COL22A1: variants seen among roughly 807,000 people sequenced by gnomAD.
COL22A1 encodes the protein collagen alpha-1(XXII) chain.
Under a neutral mutation model 248.9 loss-of-function variants are expected in COL22A1, and 221 were observed. The observed-to-expected ratio is 0.89, with a 90% CI of 0.80 to 0.99. The LOEUF (loss-of-function observed/expected upper bound fraction) is 0.99, where lower values mean the gene tolerates loss of function less well. COL22A1 is among the 50% of genes least tolerant of loss of function. The pLI is 0.00. For missense variants in COL22A1, 2,240 were observed against 2,179.0 expected, an observed-to-expected ratio of 1.03 and a Z score of -0.56; for synonymous variants, 891 against 793.4, an observed-to-expected ratio of 1.12 and a Z score of -2.07.
chr8:138,650,630 G>C (rs577420021), intron 45 of COL22A1, among the ~76,000 whole-genome samples: 1 of 152,040 alleles, frequency 6.6e-6, no homozygotes, highest in African/African-American at 2.4e-5. Flanking sequence ...GAGTTTAATG[G>C]ATAACACAAG....
At chr8:138,692,307 T>TA (rs1491103992) in intron 35 of COL22A1, among the ~76,000 whole-genome samples, 2 of 9,092 alleles carry the variant, frequency 2.2e-4, no homozygotes, top group African/African-American at 7.6e-4. Context: ...TGCGGAGGTG[T>TA]ATGTGTGTGC....
intron 11 of COL22A1, among the ~76,000 whole-genome samples, chr8:138,802,613 A>G (rs1320561238): frequency 6.6e-6 from 1 of 152,154 alleles, no homozygotes; most frequent in Non-Finnish European, 1.5e-5. Flanking sequence ...GAGGGTTAGT[A>G]ACTGTGATGA....
Position 138,688,964 on chromosome 8 carries a change from G to A in COL22A1, c.2815C>T (p.Pro939Ser). 1 of 1,613,086 alleles carries A rather than the reference G, an allele frequency of 6.2e-7. No homozygotes were observed. The highest frequency in any genetic ancestry group is 1.7e-5 in the Admixed American group (1 of 60,008). ...TTCCCTGGGGTGCCTCTGAGGCCGG[G>A]AGCACCCTGTGGCAAGGAAGATTAC... The part of the protein sequence containing the change: ...PSGPPGSVGA[P>S]GLRGTPGKDG... Residue 939 changes from proline (P) to serine (S), a missense_variant, in exon 37 of 65, where the codon CCC (proline) becomes TCC (serine). Coordinates refer to ENST00000303045, the MANE Select transcript of COL22A1 (RefSeq NM_152888.3).
intron 2 of COL22A1, among the ~76,000 whole-genome samples, chr8:138,881,559 C>A (rs990469559): frequency 3.3e-5 from 5 of 152,174 alleles, no homozygotes; most frequent in African/African-American, 4.8e-5. Flanking sequence ...GTGGCAGGCG[C>A]CTGTAGTCCC....
At chr8:138,680,746 A>C (rs1237426501) in intron 39 of COL22A1, among the ~76,000 whole-genome samples, 1 of 152,220 alleles carries the variant, frequency 6.6e-6, no homozygotes, top group Non-Finnish European at 1.5e-5. Flanking sequence ...CTTCAATGAA[A>C]GATGACCTCA....
At chr8:138,657,745 A>G (rs1452814911) in intron 44 of COL22A1, among the ~76,000 whole-genome samples, 1 of 151,874 alleles carries the variant, frequency 6.6e-6, no homozygotes, top group Non-Finnish European at 1.5e-5. Flanking sequence ...CAGTGTGGGG[A>G]TGTAGATGCC....
intron 28 of COL22A1, 54 bp from the exon 29 acceptor site, chr8:138,716,343 A>C: frequency 3.9e-6 from 5 of 1,289,398 alleles, no homozygotes. Flanking sequence ...CCCAGGGGCC[A>C]AGCTGCAGGC....
In COL22A1 at chr8:138,680,840, A is replaced by T. The variant is rs118033203; in HGVS notation, c.3013-1164T>A. Among the ~76,000 whole-genome samples, 80 of 152,360 alleles carry T rather than the reference A, an allele frequency of 5.3e-4. No individual in the cohort carries two copies. The East Asian group carries it at 0.013, about 26-fold the overall frequency. On this transcript the variant is annotated intron_variant, in intron 39 of 64. Coordinates refer to ENST00000303045, the MANE Select transcript of COL22A1 (RefSeq NM_152888.3). ...TGACTTACACATTTACACAATATCA[A>T]CACTGGAATGGGTCATGTGTTTAGA...
Position 138,811,859 on chromosome 8 carries a change from T to TG in COL22A1, c.1388dup (p.Gly464ArgfsTer3). 1 of 856,402 alleles carries TG rather than the reference T, an allele frequency of 1.2e-6. No individual in the cohort carries two copies. The highest frequency in any genetic ancestry group is 1.7e-6 in the Non-Finnish European group (1 of 588,482). 53.1% of individuals were successfully genotyped at this position (856,402 alleles called of 1,614,324 possible). On this transcript the variant is annotated frameshift_variant, in exon 9 of 65. Coordinates refer to ENST00000303045, the MANE Select transcript of COL22A1 (RefSeq NM_152888.3). LOFTEE classifies it high-confidence loss of function. ...TCAAAAACCCAATCTGTTCACTGCC[T>TG]GGGGTGGGAGGCCGCTGGGGTGGGG...
intron 48 of COL22A1, among the ~76,000 whole-genome samples, chr8:138,636,236 G>C (rs1226577016): frequency 6.6e-6 from 1 of 151,964 alleles, no homozygotes. Context: ...CACAGAGAGA[G>C]CAGTGAGCCC....
intron 1 of COL22A1, among the ~76,000 whole-genome samples, chr8:138,891,900 A>G (rs1052346932): frequency 1.3e-5 from 2 of 152,246 alleles, no homozygotes; most frequent in African/African-American, 4.8e-5. Flanking sequence ...CTGGGAGGGA[A>G]GAGCATGGCT....
chr8:138,852,994 G>GTATATA (rs138051780), intron 3 of COL22A1, among the ~76,000 whole-genome samples: 8 of 146,936 alleles, frequency 5.4e-5, no homozygotes, highest in African/African-American at 1.5e-4. Flanking sequence ...AAAAAAAAAA[G>GTATATA]TATATATATA....
At chr8:138,643,010 C>G (rs1286614451) in intron 47 of COL22A1, among the ~76,000 whole-genome samples, 1 of 144,082 alleles carries the variant, frequency 6.9e-6, no homozygotes, top group African/African-American at 2.6e-5. Context: ...GCCTGGGCAA[C>G]AGAGCAAGAC....
chr8:138,908,760 G>A (rs4736205), intron 1 of COL22A1, among the ~76,000 whole-genome samples: 45,016 of 151,938 alleles, frequency 0.3, 7,077 homozygotes, highest in African/African-American at 0.41. Context: ...TTGCTTTTAC[G>A]GAGCTCAAAA....
chr8:138,765,991 T>A (rs1404250352), intron 16 of COL22A1, among the ~76,000 whole-genome samples: 2 of 152,236 alleles, frequency 1.3e-5, no homozygotes, highest in Non-Finnish European at 2.9e-5. Context: ...ACATTTCACC[T>A]GCCCTATGGC....
chr8:138,715,667 G>C lies in COL22A1; in HGVS notation c.2517+15C>G. The C allele has an allele frequency of 6.2e-7, 1 of 1,602,550 alleles. No homozygotes were observed. The highest frequency in any genetic ancestry group is 8.5e-7 in the Non-Finnish European group (1 of 1,172,102). ...ATAATAATTGATGGTCAGAATGAGA[G>C]CAAGTTTCTCCTACCTTTTCACCTC... On this transcript the variant is annotated intron_variant, in intron 30 of 64. Transcript: ENST00000303045.
At chr8:138,589,517 C>G in intron 64 of COL22A1, 77 bp from the exon 65 acceptor site, 2 of 1,210,596 alleles carry the variant, frequency 1.7e-6, no homozygotes, top group Non-Finnish European at 2.2e-6. Flanking sequence ...CTCACAGCTT[C>G]CATTCACTAT....
intron 41 of COL22A1, among the ~76,000 whole-genome samples, chr8:138,674,012 T>A (rs1825281290): frequency 6.6e-6 from 1 of 152,148 alleles, no homozygotes. Context: ...GAGTCCCAGG[T>A]ACCCACGGTG....
At chr8:138,838,941 C>G (rs1409848067) in intron 4 of COL22A1, among the ~76,000 whole-genome samples, 2 of 152,132 alleles carry the variant, frequency 1.3e-5, no homozygotes, top group Middle Eastern at 3.2e-3. Context: ...CAGCAAAGGT[C>G]GACCTGGATG....
Sources: gnomAD v4.1 joint callset for allele counts (sites outside exome capture counted in the v4.1 genomes callset) on GRCh38, gnomAD v4.1.1 for gene constraint, MANE v1.5 for transcripts, NCBI Gene and HGNC (gene_info 2026-07-23, HGNC 2026-07-21) for gene names.